Variants in ADAMTSL1 observed in about 807,000 individuals in gnomAD.
ADAMTSL1 encodes ADAMTS like 1.
In ADAMTSL1, 126 loss-of-function variants were observed where a neutral mutation model predicts 201.8. The observed-to-expected ratio is 0.62, with a 90% confidence interval of 0.54 to 0.72. The LOEUF is 0.72. Among genes scored for constraint, ADAMTSL1 ranks in the 30% least tolerant of loss-of-function variants. The pLI is 0.00. For synonymous variants in ADAMTSL1, 1,121 were observed against 903.4 expected (o/e 1.24, Z -4.32); for missense variants, 2,679 against 2,277.8 (o/e 1.18, Z -3.59).
chr9:17,982,954 AATC>A (rs1818770939), intron 1 of ADAMTSL1, among the ~76,000 whole-genome samples: 1 of 152,038 alleles, frequency 6.6e-6, no homozygotes. Flanking sequence ...TGGAAAAAAA[AATC>A]ATCCTCAGAG....
intron 2 of ADAMTSL1, among the ~76,000 whole-genome samples, chr9:18,402,956 A>T (rs1218086271): frequency 6.6e-6 from 1 of 152,084 alleles, no homozygotes; most frequent in Non-Finnish European, 1.5e-5. Context: ...ACAGAATCTT[A>T]TGAGGTTGAC....
intron 1 of ADAMTSL1, among the ~76,000 whole-genome samples, chr9:18,504,578 C>G (rs1250518678): frequency 6.6e-6 from 1 of 152,168 alleles, no homozygotes; most frequent in African/African-American, 2.4e-5. Flanking sequence ...TTCTGGCTTC[C>G]TTTTCCATTT....
chr9:18,673,715 G>A (rs1250552460), intron 9 of ADAMTSL1, among the ~76,000 whole-genome samples: 1 of 152,058 alleles, frequency 6.6e-6, no homozygotes, highest in African/African-American at 2.4e-5. Context: ...ACAAATTACA[G>A]CCATAAATTT....
intron 26 of ADAMTSL1, among the ~76,000 whole-genome samples, chr9:18,900,645 G>A (rs988444546): frequency 6.6e-6 from 1 of 152,100 alleles, no homozygotes; most frequent in Non-Finnish European, 1.5e-5. Context: ...AGAGCTGAAA[G>A]CGTTATCCTC....
chr9:18,528,392 A>G (rs1215206009), intron 2 of ADAMTSL1, among the ~76,000 whole-genome samples: 1 of 151,894 alleles, frequency 6.6e-6, no homozygotes, highest in Non-Finnish European at 1.5e-5. Flanking sequence ...ACCCCCATGT[A>G]TACACGTGTT....
intron 23 of ADAMTSL1, among the ~76,000 whole-genome samples, chr9:18,875,997 CTCTT>C (rs1432334360): frequency 1.3e-5 from 2 of 152,080 alleles, no homozygotes; most frequent in East Asian, 1.9e-4. Flanking sequence ...ATATATGTCT[CTCTT>C]TGTCTTTTTT....
At chr9:17,907,646 G>A (rs1202507622) in intron 1 of ADAMTSL1, among the ~76,000 whole-genome samples, 3 of 152,210 alleles carry the variant, frequency 2.0e-5, no homozygotes, top group African/African-American at 7.2e-5. Flanking sequence ...CGGCGCGGAA[G>A]GGCCCTGGGA....
chr9:18,844,095 G>C (rs948708069), intron 23 of ADAMTSL1, among the ~76,000 whole-genome samples: 2 of 152,190 alleles, frequency 1.3e-5, no homozygotes, highest in Non-Finnish European at 2.9e-5. Context: ...TGTTCCTTTG[G>C]ATGAGGAGAG....
chr9:18,864,263 C>A (rs1827374933), intron 23 of ADAMTSL1, among the ~76,000 whole-genome samples: 1 of 152,112 alleles, frequency 6.6e-6, no homozygotes, highest in Admixed American at 6.5e-5. Flanking sequence ...GTGCCTTTTT[C>A]TGAGCTGTTT....
intron 2 of ADAMTSL1, among the ~76,000 whole-genome samples, chr9:18,526,920 C>T (rs990154767): frequency 4.6e-5 from 7 of 152,084 alleles, no homozygotes; most frequent in East Asian, 3.8e-4. Context: ...GCTTGAATTG[C>T]GAAACATGGC....
At chr9:18,793,959 C>T (rs997133805) in intron 19 of ADAMTSL1, among the ~76,000 whole-genome samples, 1 of 151,814 alleles carries the variant, frequency 6.6e-6, no homozygotes. Context: ...AAAAAACAGA[C>T]TTGGGTGGAG....
chr9:18,768,251 G>C (rs1409312761), intron 16 of ADAMTSL1, among the ~76,000 whole-genome samples: 1 of 152,154 alleles, frequency 6.6e-6, no homozygotes, highest in Non-Finnish European at 1.5e-5. Flanking sequence ...ATGAAGCAAC[G>C]GTCACACTAC....
At position 18,205,763 on chromosome 9, in the gene ADAMTSL1, G is replaced by T. The variant is rs1014891201; in HGVS notation, c.207+41782G>T. ...AGGTTAAAGAGGCTTCTTCATAAAA[G>T]CCACGTACGGCCAGGCACGGTGGCT... On this transcript the variant is annotated intron_variant, in intron 2 of 29. Transcript: ENST00000680146. 1.4e-4 allele frequency among the ~76,000 whole-genome samples: 22 copies of T among 151,962 alleles called. 1 individual carries two copies. Among genetic ancestry groups the T allele is most frequent in the Admixed American group, 1.4e-3 (21 of 15,238 alleles).
At chr9:17,907,336 C>G (rs910654521) in intron 1 of ADAMTSL1, among the ~76,000 whole-genome samples, 1 of 152,162 alleles carries the variant, frequency 6.6e-6, no homozygotes, top group Non-Finnish European at 1.5e-5. Flanking sequence ...CGGGGACACT[C>G]GGGTGCTGGG....
At position 18,876,301 on chromosome 9, in the gene ADAMTSL1, C is replaced by CGTGTGTGTGTGTGTGTGTGTGT. The variant is rs59150507; in HGVS notation, c.4250-11522_4250-11501dup. 5.4e-3 allele frequency among the ~76,000 whole-genome samples: 753 copies of CGTGTGTGTGTGTGTGTGTGTGT among 139,702 alleles called. 5 individuals carry two copies. The highest frequency in any genetic ancestry group is 0.011 in the East Asian group (54 of 4,712). The allele number at this position is 139,702 out of a possible 152,430, so 91.6% of individuals were successfully genotyped here. A position where few individuals can be genotyped will look rare whatever the true frequency, so the allele number is the denominator to read the frequency against. ...TATTGTGCTAGTTGTTGCCTGAATACGTGTGTGTGTGTGTGTGTGTGTGTG... is the reference window on the plus strand; with the variant it reads ...TATTGTGCTAGTTGTTGCCTGAATACGTGTGTGTGTGTGTGTGTGTGTGTGTGTGTGTGTGTGTGTGTGTGTG... On this transcript the variant is annotated intron_variant, in intron 23 of 28. Coordinates refer to ENST00000380548, the MANE Select transcript of ADAMTSL1 (RefSeq NM_001040272.6).
intron 13 of ADAMTSL1, among the ~76,000 whole-genome samples, chr9:18,691,041 C>T (rs1225145913): frequency 5.3e-5 from 8 of 152,124 alleles, no homozygotes; most frequent in Admixed American, 5.2e-4. Context: ...AGGATTGTGA[C>T]CAAAGTGTTG....
At chr9:18,134,179 C>T (rs1411237693) in intron 1 of ADAMTSL1, among the ~76,000 whole-genome samples, 2 of 152,134 alleles carry the variant, frequency 1.3e-5, no homozygotes, top group African/African-American at 4.8e-5. Context: ...GAAGTATGCA[C>T]TCATAGTGAA....
At chr9:18,570,024 A>C (rs1478729016) in intron 3 of ADAMTSL1, among the ~76,000 whole-genome samples, 3 of 152,118 alleles carry the variant, frequency 2.0e-5, no homozygotes, top group Non-Finnish European at 4.4e-5. Flanking sequence ...AAAAGATGGT[A>C]AGTATTTTTC....
At chr9:18,145,146 TA>T (rs1175126172) in intron 1 of ADAMTSL1, among the ~76,000 whole-genome samples, 1 of 152,168 alleles carries the variant, frequency 6.6e-6, no homozygotes, top group Non-Finnish European at 1.5e-5. Flanking sequence ...TAGTGGCATT[TA>T]TATGTTAAAA....
Sources: gnomAD v4.1 joint callset for allele counts (sites outside exome capture counted in the v4.1 genomes callset) on GRCh38, gnomAD v4.1.1 for gene constraint, MANE v1.5 for transcripts, NCBI Gene and HGNC (gene_info 2026-07-23, HGNC 2026-07-21) for gene names.